ABHD2: variants seen among roughly 807,000 people sequenced by gnomAD.
ABHD2 encodes abhydrolase domain containing 2, acylglycerol lipase, also known as monoacylglycerol lipase ABHD2.
In ABHD2, 20 loss-of-function variants were observed where a neutral mutation model predicts 48.1. The ratio of observed to expected loss-of-function variants is 0.42; its 90% CI spans 0.29 to 0.60. The LOEUF (loss-of-function observed/expected upper bound fraction) is 0.60. ABHD2 is among the 20% of genes least tolerant of loss of function. The pLI, the probability that ABHD2 is intolerant of heterozygous loss-of-function variation, is 0.24. For missense variants in ABHD2, 405 were observed against 550.9 expected (o/e 0.74, Z 2.65); for synonymous variants, 209 against 214.2 (o/e 0.98, Z 0.21).
intron 5 of ABHD2, among the ~76,000 whole-genome samples, chr15:89,170,382 C>T (rs2050906349): frequency 6.6e-6 from 1 of 152,056 alleles, no homozygotes; most frequent in Non-Finnish European, 1.5e-5. Context: ...CAAGCATCAG[C>T]CACCGCGCCC....
rs1178409712 is a variant in ABHD2, at chr15:89,179,686, C to T, written c.722+3691C>T. Among the ~76,000 whole-genome samples the T allele has an allele frequency of 6.6e-6, 1 of 152,160 alleles. No homozygotes were observed. Among genetic ancestry groups the T allele is most frequent in the Admixed American group, 6.5e-5 (1 of 15,276 alleles). The stretch of plus-strand genomic sequence containing the variant: ...CCTGAAGCCATCCCCCTGCCCCTGC[C>T]TTCCCTAGGCTGTGGACAAATTGTC... On this transcript the variant is annotated intron_variant, in intron 6 of 10. Transcript: ENST00000352732. This position sits in a 1 kb window ranked among gnomAD's most constrained non-coding sequence, Gnocchi z 4.3.
chr15:89,155,276 C>G lies in ABHD2; in HGVS notation c.371-91C>G. ...TGAAAGATGTATGTTGAATTCCCTCCCCTTGTTTTCTAGACCAGTGAAGTG... is the reference window on the plus strand; with the variant it reads ...TGAAAGATGTATGTTGAATTCCCTCGCCTTGTTTTCTAGACCAGTGAAGTG... On this transcript the variant is annotated intron_variant, in intron 4 of 10. Transcript: ENST00000352732. The surrounding 1 kb of genome is among the most constrained non-coding windows in gnomAD (Gnocchi z 4.9). 1 of 1,396,364 alleles carries G rather than the reference C, an allele frequency of 7.2e-7. No homozygotes were observed. Among genetic ancestry groups the G allele is most frequent in the Non-Finnish European group, 9.9e-7 (1 of 1,011,890 alleles). The allele number at this position is 1,396,364 out of a possible 1,614,324, so 86.5% of individuals were successfully genotyped here. A position where few individuals can be genotyped will look rare whatever the true frequency, so the allele number is the denominator to read the frequency against.
At chr15:89,041,697 G>A in the ABHD2 span, among the ~76,000 whole-genome samples, 1 of 152,186 alleles carries the variant, frequency 6.6e-6, no homozygotes, top group Non-Finnish European at 1.5e-5. Flanking sequence ...GAGGCAAGGC[G>A]CAACTCTATT....
chr15:89,135,637 G>C (rs1478439410), intron 3 of ABHD2: 1 of 1,552,944 alleles, frequency 6.4e-7, no homozygotes, highest in East Asian at 2.3e-5. Flanking sequence ...GCTTTTTTCA[G>C]CCTTGACAAC....
In ABHD2 at chr15:89,185,874, GGA is replaced by G. The variant is rs763333868; in HGVS notation, c.815+362_815+363del. ...CCCAGCTACTTGGGAGGCTGAGGCA[GGA>G]GAGTCGCTTGAACCCAGGAGGCGGA... On this transcript the variant is annotated intron_variant, in intron 7 of 10. Transcript: ENST00000352732. This position sits in a 1 kb window ranked among gnomAD's most constrained non-coding sequence, Gnocchi z 5.9. 1.2e-4 allele frequency among the ~76,000 whole-genome samples: 19 copies of G among 152,186 alleles called. No homozygotes were observed. The highest frequency in any genetic ancestry group is 2.4e-4 in the Non-Finnish European group (16 of 68,030).
Position 89,162,802 on chromosome 15 carries a change from G to T in ABHD2, c.538+7268G>T, listed in dbSNP as rs74651733. Among the ~76,000 whole-genome samples the T allele has an allele frequency of 3.1e-3, 473 of 152,120 alleles. 2 individuals carry two copies. The highest frequency in any genetic ancestry group is 0.011 in the African/African-American group (448 of 41,494). On this transcript the variant is annotated intron_variant, in intron 5 of 10. Coordinates refer to ENST00000352732, the MANE Select transcript of ABHD2 (RefSeq NM_152924.5). ...ACCTGTGAAATTATTTGTTTATATG[G>T]CTATCATCTGTCTCTCCATCCCAGA...
At chr15:89,060,222 C>T in the ABHD2 span, among the ~76,000 whole-genome samples, 1 of 151,450 alleles carries the variant, frequency 6.6e-6, no homozygotes, top group South Asian at 2.1e-4. Flanking sequence ...TCCCAAGTAG[C>T]TCAGATTACA....
At chr15:89,081,806 G>A in the ABHD2 span, among the ~76,000 whole-genome samples, 7,001 of 152,164 alleles carry the variant, frequency 0.046, 537 homozygotes, top group African/African-American at 0.16. Context: ...AGCCAAGGTC[G>A]TGCCACTGTA....
At position 89,136,383 on chromosome 15, in the gene ABHD2, G is replaced by A. The variant is rs1402706124; in HGVS notation, c.195-15294G>A. ...TGAGCACTTCTTAGAAAACTCTGAG[G>A]AGTTGACTGAAGCATCTGGATGTTT... On this transcript the variant is annotated intron_variant, in intron 3 of 10. Coordinates refer to ENST00000352732, the MANE Select transcript of ABHD2 (RefSeq NM_152924.5). The A allele has an allele frequency of 2.1e-5, 11 of 520,670 alleles. 2 individuals are homozygous for A. The highest frequency in any genetic ancestry group is 4.1e-5 in the Non-Finnish European group (11 of 265,358). 32.3% of individuals were successfully genotyped at this position (520,670 alleles called of 1,614,324 possible). A position where few individuals can be genotyped will look rare whatever the true frequency, so the allele number is the denominator to read the frequency against.
chr15:89,154,326 G>T (rs1315617471), intron 4 of ABHD2, among the ~76,000 whole-genome samples: 1 of 152,116 alleles, frequency 6.6e-6, no homozygotes, highest in Non-Finnish European at 1.5e-5. Context: ...CCAGCATTAA[G>T]AATTTCTAAA....
chr15:89,156,892 A>G lies in ABHD2; in HGVS notation c.538+1358A>G, dbSNP rs563499496. On this transcript the variant is annotated intron_variant, in intron 5 of 10. Transcript: ENST00000352732. ...GGATGTTATAAGCAAATAAATTGTA[A>G]TATGTTTTAATGGGAAATAACTAAA... Among the ~76,000 whole-genome samples, 75 of 152,320 alleles carry G rather than the reference A, an allele frequency of 4.9e-4. 1 individual carries two copies. The highest frequency in any genetic ancestry group is 1.7e-3 in the African/African-American group (69 of 41,574).
chr15:89,162,161 G>C (rs2050772378), intron 5 of ABHD2, among the ~76,000 whole-genome samples: 1 of 152,152 alleles, frequency 6.6e-6, no homozygotes, highest in Non-Finnish European at 1.5e-5. Context: ...TTCAGCATAT[G>C]AATCTTGGGA....
chr15:89,183,238 G>A (rs902690650), intron 6 of ABHD2: 1 of 151,740 alleles, frequency 6.6e-6, no homozygotes, highest in African/African-American at 2.4e-5. Context: ...TGGCTGGTTT[G>A]AATCAGGATC....
chr15:89,057,979 A>C, the ABHD2 span, among the ~76,000 whole-genome samples: 1 of 152,114 alleles, frequency 6.6e-6, no homozygotes, highest in African/African-American at 2.4e-5. Flanking sequence ...CCCCACTTAC[A>C]AATTAAGCCC....
rs748133987 is a variant in ABHD2, at chr15:89,142,564, T to G, written c.195-9113T>G. Among the ~76,000 whole-genome samples the G allele has an allele frequency of 1.1e-4, 17 of 152,178 alleles. 1 individual carries two copies. The highest frequency in any genetic ancestry group is 1.9e-4 in the Non-Finnish European group (13 of 68,016). ...CAGCTAAATTAGAGCACGGTAACTA[T>G]TTCCTCTCATTCCTTTTTAATCTGT... On this transcript the variant is annotated intron_variant, in intron 3 of 10. Transcript: ENST00000352732.
Position 89,182,922 on chromosome 15 carries a change from C to T in ABHD2, c.723-2502C>T, listed in dbSNP as rs1354158745. Among the ~76,000 whole-genome samples the T allele has an allele frequency of 6.6e-6, 1 of 152,194 alleles. No homozygotes were observed. Among genetic ancestry groups the T allele is most frequent in the Non-Finnish European group, 1.5e-5 (1 of 68,022 alleles). Reference sequence around the variant, plus strand: ...CTAAAATTGAACCCCAGTGTAGCCACTACCAGCTCCAATAACATGAATTCA... The same window carrying T: ...CTAAAATTGAACCCCAGTGTAGCCATTACCAGCTCCAATAACATGAATTCA... On this transcript the variant is annotated intron_variant, in intron 6 of 10. Transcript: ENST00000352732. The surrounding 1 kb of genome is among the most constrained non-coding windows in gnomAD (Gnocchi z 4.8).
At chr15:89,149,805 A>G (rs2050561625) in intron 3 of ABHD2, among the ~76,000 whole-genome samples, 1 of 152,232 alleles carries the variant, frequency 6.6e-6, no homozygotes, top group Non-Finnish European at 1.5e-5. Flanking sequence ...CAAGAAGTTA[A>G]GCGAGTACCA....
chr15:89,191,666 C>T (rs1024990895), intron 9 of ABHD2, among the ~76,000 whole-genome samples: 8 of 138,936 alleles, frequency 5.8e-5, no homozygotes, highest in African/African-American at 2.2e-4. Context: ...CTCGCTCTGT[C>T]GCCCAGGCTG....
At chr15:89,194,917 G>A (rs2051371210) in intron 10 of ABHD2, among the ~76,000 whole-genome samples, 1 of 152,180 alleles carries the variant, frequency 6.6e-6, no homozygotes, top group African/African-American at 2.4e-5. Flanking sequence ...CCAGCCTGGG[G>A]TTAAGGAGCT....
Sources: gnomAD v4.1 joint callset for allele counts (sites outside exome capture counted in the v4.1 genomes callset) on GRCh38, gnomAD v4.1.1 for gene constraint, Gnocchi (gnomAD v3.1) non-coding constraint, MANE v1.5 for transcripts, NCBI Gene and HGNC (gene_info 2026-07-23, HGNC 2026-07-21) for gene names.